The following SMUG1 variants were observed in gnomAD, a reference collection of about 807,000 sequenced individuals.
The protein encoded by SMUG1 is single-strand selective monofunctional uracil DNA glycosylase.
In SMUG1, 13 loss-of-function variants were observed where a neutral mutation model predicts 23.9. That is an observed-to-expected ratio of 0.54 (90% confidence interval 0.35 to 0.86). The LOEUF is 0.86. Among genes scored for constraint, SMUG1 ranks in the 40% least tolerant of loss-of-function variants. The pLI is 0.01. For synonymous variants in SMUG1, 133 were observed against 139.8 expected, an observed-to-expected ratio of 0.95 and a Z score of 0.34; for missense variants, 313 against 339.5, an observed-to-expected ratio of 0.92 and a Z score of 0.61.
intron 4 of SMUG1, among the ~76,000 whole-genome samples, chr12:54,158,248 C>A (rs1940105831): frequency 1.3e-5 from 2 of 152,132 alleles, no homozygotes; most frequent in Admixed American, 6.5e-5. Flanking sequence ...CTGTGAGTTG[C>A]AATATCATTT....
At chr12:54,160,059 G>T (rs1370409045), downstream of SMUG1, among the ~76,000 whole-genome samples, 1 of 152,192 alleles carries the variant, frequency 6.6e-6, no homozygotes, top group African/African-American at 2.4e-5. Flanking sequence ...CCAGAGAGGG[G>T]AGCCCCTGAA....
intron 3 of SMUG1, among the ~76,000 whole-genome samples, chr12:54,171,451 G>A (rs927957879): frequency 1.3e-5 from 2 of 151,192 alleles, no homozygotes; most frequent in African/African-American, 4.9e-5. Flanking sequence ...CAGCACTTTG[G>A]GAGGCCAAGG....
At chr12:54,188,065 G>A (rs1012760405) in intron 1 of SMUG1, among the ~76,000 whole-genome samples, 163 bp from the exon 2 acceptor site, 49 of 151,666 alleles carry the variant, frequency 3.2e-4, no homozygotes, top group African/African-American at 1.1e-3. Flanking sequence ...TATAAAATAC[G>A]GTGTCATACT....
chr12:54,184,791 T>G lies in SMUG1; in HGVS notation c.-19-832A>C, dbSNP rs554363307. 2.6e-5 allele frequency among the ~76,000 whole-genome samples: 4 copies of G among 152,318 alleles called. No homozygotes were observed. The East Asian group carries it at 7.7e-4, about 29-fold the overall frequency. On this transcript the variant is annotated intron_variant, in intron 2 of 3. Transcript: ENST00000682136. ...TGATTACAGACTCCTCATAGAATCTTACGAGCTACACAACCATGGCCAGAG... is the reference window on the plus strand; with the variant it reads ...TGATTACAGACTCCTCATAGAATCTGACGAGCTACACAACCATGGCCAGAG...
intron 3 of SMUG1, among the ~76,000 whole-genome samples, chr12:54,171,848 G>A (rs1307468660): frequency 6.6e-6 from 1 of 152,002 alleles, no homozygotes; most frequent in African/African-American, 2.4e-5. Flanking sequence ...TCAGTTGATG[G>A]CAAATCCATT....
intron 2 of SMUG1, among the ~76,000 whole-genome samples, chr12:54,186,182 T>A (rs546366198): frequency 3.9e-5 from 6 of 152,158 alleles, no homozygotes; most frequent in African/African-American, 1.4e-4. Flanking sequence ...CCTGTCCACA[T>A]ATCCAAATCA....
In SMUG1 at chr12:54,182,582, G is replaced by A. The variant is rs375365910; in HGVS notation, c.327C>T (p.Gly109=). ...GAGGGGTCAGCACAGGCCCCACAAT[G>A]CCCAACCAGTCCCGGACCATGCTTA... is the stretch of plus-strand genomic sequence containing the variant. ...GEVSMVRDWL[G]IVGPVLTPPQ... is the part of the protein sequence containing the mutation. The change falls in exon 4 of 4, where the codon GGC becomes GGT. Residue 109 remains glycine, a synonymous_variant. Transcript: ENST00000682136. 4.1e-5 allele frequency: 66 copies of A among 1,613,912 alleles called. No individual in the cohort carries two copies. The highest frequency in any genetic ancestry group is 5.3e-5 in the Non-Finnish European group (62 of 1,179,972).
downstream of SMUG1, among the ~76,000 whole-genome samples, chr12:54,179,332 A>G (rs905296553): frequency 6.6e-6 from 1 of 152,208 alleles, no homozygotes; most frequent in Admixed American, 6.5e-5. Flanking sequence ...CCCCTTGAAC[A>G]TAACAGTGCT....
intron 1 of SMUG1, chr12:54,188,669 A>T (rs1169443771): frequency 6.6e-6 from 1 of 152,072 alleles, no homozygotes; most frequent in Non-Finnish European, 1.5e-5. Context: ...GCATAAACTC[A>T]AAAAGACCAT....
At chr12:54,183,623 C>G (rs372811736) in intron 3 of SMUG1, 33 bp downstream of exon 3, 50 of 1,611,618 alleles carry the variant, frequency 3.1e-5, no homozygotes, top group African/African-American at 6.7e-5. Flanking sequence ...TAGAACCCCC[C>G]ACTCCACCCA....
intron 3 of SMUG1, among the ~76,000 whole-genome samples, chr12:54,171,462 T>C (rs939366008): frequency 5.3e-5 from 8 of 150,894 alleles, no homozygotes; most frequent in Admixed American, 1.3e-4. Context: ...GAGGCCAAGG[T>C]GGGCAGATCA....
rs746922626 is a variant in SMUG1, at chr12:54,182,401, G to C, written c.508C>G (p.Leu170Val). ...GTAAGGTTGCGCCCGCTGGGAGCCA[G>C]GAAAAGCAGAGGGCATAGATTGTGG... ...FVHNLCPLLF[L>V]APSGRNLTPA... The change falls in exon 4 of 4, where the codon CTG (leucine) becomes GTG (valine). Residue 170 changes from leucine (L) to valine (V), a missense_variant. By Grantham distance (32) the Leu-to-Val change is conservative (BLOSUM62 1). Coordinates refer to ENST00000682136, the MANE Select transcript of SMUG1 (RefSeq NM_001243787.2). The C allele has an allele frequency of 6.2e-7, 1 of 1,614,220 alleles. No individual in the cohort carries two copies. Among genetic ancestry groups the C allele is most frequent in the Non-Finnish European group, 8.5e-7 (1 of 1,180,050 alleles).
chr12:54,166,443 C>A (rs1162673473), intron 3 of SMUG1, among the ~76,000 whole-genome samples: 1 of 152,074 alleles, frequency 6.6e-6, no homozygotes, highest in African/African-American at 2.4e-5. Context: ...CAGTGCTAGT[C>A]CCCCTCCCAG....
intron 2 of SMUG1, chr12:54,187,045 C>T (rs546663481): frequency 6.6e-6 from 1 of 152,282 alleles, no homozygotes; most frequent in South Asian, 2.1e-4. Flanking sequence ...ACAGCTTTTA[C>T]CAAGGAGGCA....
At chr12:54,178,772 G>A (rs1397124645), downstream of SMUG1, among the ~76,000 whole-genome samples, 2 of 152,210 alleles carry the variant, frequency 1.3e-5, no homozygotes, top group African/African-American at 4.8e-5. Context: ...CTACTTGTGT[G>A]TTGGTAAATA....
downstream of SMUG1, among the ~76,000 whole-genome samples, chr12:54,162,968 G>A (rs1027603896): frequency 4.6e-5 from 7 of 152,184 alleles, no homozygotes; most frequent in Non-Finnish European, 8.8e-5. Flanking sequence ...GGGCCGGAAC[G>A]AGGGAGCTGT....
In SMUG1 at chr12:54,180,603, A is replaced by G. The variant is rs1008857742; in HGVS notation, c.*1493T>C. The G allele has an allele frequency of 1.3e-5, 2 of 152,170 alleles. No individual in the cohort carries two copies. The highest frequency in any genetic ancestry group is 4.8e-5 in the African/African-American group (2 of 41,434). The allele number at this position is 152,170 out of a possible 1,614,324, so 9.4% of individuals were successfully genotyped here. Reference sequence around the variant, plus strand: ...AGCAGACATAAAAAATGAGTTGGATACCAGGTTCCCATCTGCCCCATCACC... The same window carrying G: ...AGCAGACATAAAAAATGAGTTGGATGCCAGGTTCCCATCTGCCCCATCACC... On this transcript the variant is annotated 3_prime_UTR_variant, in exon 4 of 4. Coordinates refer to ENST00000682136, the MANE Select transcript of SMUG1 (RefSeq NM_001243787.2).
At chr12:54,166,134 G>C (rs1267369558) in intron 3 of SMUG1, among the ~76,000 whole-genome samples, 1 of 152,190 alleles carries the variant, frequency 6.6e-6, no homozygotes, top group Non-Finnish European at 1.5e-5. Context: ...AGGCTGAGGT[G>C]GGTGGATCAT....
chr12:54,165,312 A>C (rs1383404066), intron 4 of SMUG1: 1 of 152,218 alleles, frequency 6.6e-6, no homozygotes, highest in Non-Finnish European at 1.5e-5. Context: ...GAAGTGAAAT[A>C]CAACAATGTC....
Sources: allele counts gnomAD v4.1 joint callset (sites outside exome capture counted in the v4.1 genomes callset), GRCh38; gene constraint gnomAD v4.1.1; transcripts MANE v1.5; gene names NCBI Gene and HGNC (gene_info 2026-07-23, HGNC 2026-07-21).